Variants in GRID2 observed in about 807,000 individuals in gnomAD.
GRID2 encodes glutamate receptor ionotropic, delta-2.
Under a neutral mutation model 114.8 loss-of-function variants are expected in GRID2, and 33 were observed. The observed-to-expected ratio is 0.29, with a 90% CI of 0.22 to 0.38. The LOEUF is 0.38. Among genes scored for constraint, GRID2 ranks in the 10% least tolerant of loss-of-function variants. The pLI is 1.00. For missense variants in GRID2, 1,184 were observed against 1,257.7 expected, an observed-to-expected ratio of 0.94 and a Z score of 0.89; for synonymous variants, 505 against 449.9, an observed-to-expected ratio of 1.12 and a Z score of -1.55.
At chr4:93,157,694 C>T (rs1361461436) in intron 4 of GRID2, among the ~76,000 whole-genome samples, 1 of 151,562 alleles carries the variant, frequency 6.6e-6, no homozygotes, top group Non-Finnish European at 1.5e-5. Context: ...CTTATCTTAC[C>T]TTTGTTTCTA....
In GRID2 at chr4:92,872,786, T is replaced by C. The variant is rs4129018; in HGVS notation, c.245-212209T>C. On this transcript the variant is annotated intron_variant, in intron 2 of 15. Transcript: ENST00000282020. ...CCTTGGACCCAGGGCTTATATACCA[T>C]AGGGAAAGAATGTGTAGGACAATTG... is the stretch of plus-strand genomic sequence containing the variant. Among the ~76,000 whole-genome samples, 904 of 152,202 alleles carry C rather than the reference T, an allele frequency of 5.9e-3. 16 individuals are homozygous for C. Among genetic ancestry groups the C allele is most frequent in the African/African-American group, 0.021 (858 of 41,534 alleles).
intron 2 of GRID2, among the ~76,000 whole-genome samples, chr4:92,719,638 T>A (rs1031298175): frequency 6.6e-6 from 1 of 152,080 alleles, no homozygotes; most frequent in African/African-American, 2.4e-5. Flanking sequence ...TGAACTTGCA[T>A]GAGCCAGAGG....
At chr4:92,588,206 C>T (rs2149209061) in intron 1 of GRID2, among the ~76,000 whole-genome samples, 1 of 152,120 alleles carries the variant, frequency 6.6e-6, no homozygotes, top group Admixed American at 6.5e-5. Flanking sequence ...ATAGGTCAAA[C>T]ATTTATTGTC....
intron 1 of GRID2, among the ~76,000 whole-genome samples, chr4:92,362,148 A>G (rs1415011995): frequency 6.6e-6 from 1 of 152,050 alleles, no homozygotes; most frequent in Non-Finnish European, 1.5e-5. Context: ...CAAACAATAC[A>G]ATAATGTCAC....
At chr4:92,451,178 C>G (rs1040876424) in intron 1 of GRID2, among the ~76,000 whole-genome samples, 4 of 151,974 alleles carry the variant, frequency 2.6e-5, no homozygotes, top group Admixed American at 2.0e-4. Flanking sequence ...GACCGTGGAG[C>G]TGACAAAGAA....
At chr4:93,397,009 G>A (rs1765394167) in intron 9 of GRID2, among the ~76,000 whole-genome samples, 1 of 151,996 alleles carries the variant, frequency 6.6e-6, no homozygotes, top group Admixed American at 6.6e-5. Flanking sequence ...TGCAGAATTA[G>A]TAAATAGGAG....
chr4:93,346,137 C>T (rs1263267823), intron 8 of GRID2, among the ~76,000 whole-genome samples: 1 of 152,062 alleles, frequency 6.6e-6, no homozygotes, highest in African/African-American at 2.4e-5. Context: ...TTTAGGTCTC[C>T]ATGCAAATTT....
chr4:93,103,466 A>G lies in GRID2; in HGVS notation c.530-7282A>G, dbSNP rs184365382. Among the ~76,000 whole-genome samples, 87 of 152,208 alleles carry G rather than the reference A, an allele frequency of 5.7e-4. 1 individual carries two copies. The highest frequency in any genetic ancestry group is 5.3e-3 in the Admixed American group (81 of 15,288). On this transcript the variant is annotated intron_variant, in intron 3 of 15. Coordinates refer to ENST00000282020, the MANE Select transcript of GRID2 (RefSeq NM_001510.4). ...GAAAGGTTTTCAAGGGAAAGTATTTATGTGTTTGCTATCTTTTTATCTAAA... is the reference window on the plus strand; with the variant it reads ...GAAAGGTTTTCAAGGGAAAGTATTTGTGTGTTTGCTATCTTTTTATCTAAA...
At chr4:92,675,318 C>A (rs555646064) in intron 2 of GRID2, among the ~76,000 whole-genome samples, 2 of 152,276 alleles carry the variant, frequency 1.3e-5, no homozygotes, top group East Asian at 3.9e-4. Flanking sequence ...TCTTGTCTGT[C>A]ATGCCTATGG....
At chr4:93,275,030 T>C (rs1658646412) in intron 8 of GRID2, among the ~76,000 whole-genome samples, 1 of 151,974 alleles carries the variant, frequency 6.6e-6, no homozygotes, top group Non-Finnish European at 1.5e-5. Context: ...TTTTCATCAC[T>C]CTAAGAAGAA....
chr4:93,362,149 G>A (rs1429835883), intron 8 of GRID2, among the ~76,000 whole-genome samples: 1 of 152,070 alleles, frequency 6.6e-6, no homozygotes, highest in African/African-American at 2.4e-5. Context: ...CTTAGGTTAG[G>A]TGTTGGGTCA....
chr4:93,422,669 TA>T, intron 9 of GRID2, 101 bp from the exon 10 acceptor site: 1 of 716,218 alleles, frequency 1.4e-6, no homozygotes, highest in South Asian at 1.9e-5. Context: ...TTTCAAAGTA[TA>T]AAACAATTTT....
intron 2 of GRID2, among the ~76,000 whole-genome samples, chr4:92,947,709 C>A (rs963530437): frequency 1.3e-5 from 2 of 150,922 alleles, no homozygotes; most frequent in Non-Finnish European, 1.5e-5. Flanking sequence ...TGTGTGTGTG[C>A]GTGTATATGT....
At chr4:93,455,015 A>G (rs1723054829) in intron 10 of GRID2, among the ~76,000 whole-genome samples, 1 of 152,144 alleles carries the variant, frequency 6.6e-6, no homozygotes, top group Non-Finnish European at 1.5e-5. Context: ...AAGAAGACAC[A>G]TTAGAAAGGG....
rs938038372 is a variant in GRID2, at chr4:92,342,656, T to C, written c.88+37912T>C. ...AGACTCAATTCTGAGTGTTCCTTCA[T>C]AGATTTCTGCCTAAACAATTTTGGT... On this transcript the variant is annotated intron_variant, in intron 1 of 15. Transcript: ENST00000282020. Among the ~76,000 whole-genome samples the C allele has an allele frequency of 8.5e-5, 13 of 152,214 alleles. 1 individual carries two copies. The highest frequency in any genetic ancestry group is 6.5e-4 in the Admixed American group (10 of 15,280).
intron 2 of GRID2, among the ~76,000 whole-genome samples, chr4:92,611,116 ATGTG>A (rs879367445): frequency 8.2e-5 from 10 of 121,788 alleles, no homozygotes; most frequent in Non-Finnish European, 1.8e-4. Context: ...ATGTGTGTGT[ATGTG>A]TGTGTGTGTG....
At chr4:93,607,178 A>C (rs1740334707) in intron 13 of GRID2, among the ~76,000 whole-genome samples, 1 of 152,112 alleles carries the variant, frequency 6.6e-6, no homozygotes, top group Admixed American at 6.5e-5. Context: ...ATGATAACAA[A>C]TGGAATACAT....
intron 2 of GRID2, among the ~76,000 whole-genome samples, chr4:93,011,332 G>A (rs368699635): frequency 4.1e-5 from 6 of 147,612 alleles, no homozygotes; most frequent in African/African-American, 1.5e-4. Flanking sequence ...CTCATCTTTT[G>A]GGGGTTTTAG....
At chr4:93,548,930 T>G (rs908801950) in intron 13 of GRID2, among the ~76,000 whole-genome samples, 1 of 152,126 alleles carries the variant, frequency 6.6e-6, no homozygotes, top group African/African-American at 2.4e-5. Context: ...CTTGATTTCT[T>G]GATTTAGAGA....
Sources: allele counts gnomAD v4.1 joint callset (sites outside exome capture counted in the v4.1 genomes callset), GRCh38; gene constraint gnomAD v4.1.1; transcripts MANE v1.5; gene names NCBI Gene and HGNC (gene_info 2026-07-23, HGNC 2026-07-21).